The following SPAG5 variants were observed in gnomAD, a reference collection of about 807,000 sequenced individuals.
The protein encoded by SPAG5 is sperm associated antigen 5.
Under a neutral mutation model 145.4 loss-of-function variants are expected in SPAG5, and 99 were observed. That is an observed-to-expected ratio of 0.68 (90% CI 0.58 to 0.80). SPAG5 has a LOEUF of 0.80. SPAG5 is among the 30% of genes least tolerant of loss of function. The pLI is 0.00. For missense variants in SPAG5, 1,192 were observed against 1,416.0 expected, an observed-to-expected ratio of 0.84 and a Z score of 2.54; for synonymous variants, 477 against 525.4, an observed-to-expected ratio of 0.91 and a Z score of 1.26.
At chr17:28,579,117 C>T (rs1442200340) in intron 19 of SPAG5, 24 bp downstream of exon 19, 1 of 1,587,638 alleles carries the variant, frequency 6.3e-7, no homozygotes, top group Non-Finnish European at 8.6e-7. Context: ...TCTTCATCGC[C>T]CCACTTCTAG....
chr17:28,579,559 A>G, intron 17 of SPAG5, 74 bp from the exon 18 acceptor site: 1 of 1,534,956 alleles, frequency 6.5e-7, no homozygotes, highest in Non-Finnish European at 8.9e-7. Context: ...CATCATTTCC[A>G]CAACTCTTAT....
In SPAG5 at chr17:28,579,160, G is replaced by A. The variant is rs773444483; in HGVS notation, c.3098C>T (p.Ala1033Val). The A allele has an allele frequency of 7.4e-6, 12 of 1,613,610 alleles. No homozygotes were observed. The highest frequency in any genetic ancestry group is 1.0e-5 in the Non-Finnish European group (12 of 1,179,960). Residue 1033 changes from alanine (A) to valine (V), a missense_variant, in exon 19 of 24, where the codon GCC becomes GTC. Ala to Val is a moderately conservative substitution (Grantham distance 64, BLOSUM62 0). Coordinates refer to ENST00000321765, the MANE Select transcript of SPAG5 (RefSeq NM_006461.4). ...KEADIEKLNQ[A>V]LCLRYKNEKE... ...CTTCACCTTGTAGCGCAAGCACAAG[G>A]CCTGGTTCAGCTTCTCTATGTCTGC...
intron 15 of SPAG5, among the ~76,000 whole-genome samples, chr17:28,581,355 G>A (rs975650890): frequency 8.6e-5 from 13 of 151,998 alleles, no homozygotes; most frequent in African/African-American, 2.7e-4. Context: ...CAGGCAAGGC[G>A]GGAGCCACTC....
chr17:28,592,360 G>A lies in SPAG5; in HGVS notation c.884C>T (p.Ala295Val). The A allele has an allele frequency of 6.2e-7, 1 of 1,614,130 alleles. No individual in the cohort carries two copies. The highest frequency in any genetic ancestry group is 1.1e-5 in the South Asian group (1 of 91,088). ...AATATCTTCCACACTTGAGACAAGT[G>A]CTTGATCTTCTGTTTCAGACTCCTT... is the stretch of plus-strand genomic sequence containing the variant. ...HPKESETEDQALVSSVEDILS... is the reference protein window; with the variant it reads ...HPKESETEDQVLVSSVEDILS... Residue 295 changes from alanine to valine, a missense_variant, in exon 3 of 24, where the codon GCA (alanine) becomes GTA (valine). Transcript: ENST00000321765.
At chr17:28,594,108 T>C (rs970271919) in intron 2 of SPAG5, among the ~76,000 whole-genome samples, 1 of 152,054 alleles carries the variant, frequency 6.6e-6, no homozygotes, top group African/African-American at 2.4e-5. Flanking sequence ...CATGAGGCGC[T>C]GATTAACAAA....
chr17:28,584,489 A>G lies in SPAG5; in HGVS notation c.2162-9T>C. The G allele has an allele frequency of 6.2e-7, 1 of 1,613,510 alleles. No homozygotes were observed. The highest frequency in any genetic ancestry group is 8.5e-7 in the Non-Finnish European group (1 of 1,180,022). On this transcript the variant is annotated splice_polypyrimidine_tract_variant and intron_variant, in intron 11 of 23. Coordinates refer to ENST00000321765, the MANE Select transcript of SPAG5 (RefSeq NM_006461.4). Reference sequence around the variant, plus strand: ...CAACTGAGCCCGGAGATCTAGAACAAAAGTATCCTAATGACACCATGCGGT... The same window carrying G: ...CAACTGAGCCCGGAGATCTAGAACAGAAGTATCCTAATGACACCATGCGGT...
intron 4 of SPAG5, among the ~76,000 whole-genome samples, chr17:28,587,032 C>G (rs1161902166): frequency 6.6e-6 from 1 of 152,154 alleles, no homozygotes; most frequent in Non-Finnish European, 1.5e-5. Context: ...TCCTGCCACA[C>G]CCAGCCACCT....
Position 28,578,714 on chromosome 17 carries a change from A to G in SPAG5, c.3156T>C (p.Asn1052=), listed in dbSNP as rs1597593145. 6.2e-7 allele frequency: 1 copy of G among 1,614,036 alleles called. No individual in the cohort carries two copies. The highest frequency in any genetic ancestry group is 1.1e-5 in the South Asian group (1 of 91,082). The change falls in exon 20 of 24, where the codon AAT becomes AAC. Residue 1052 remains asparagine (N), a synonymous_variant. Transcript: ENST00000321765. ...KELQEVIQQQ[N]EKILEQIDKS... ...TGTCTATCTGTTCTAGGATCTTCTC[A>G]TTCTGCTGCTGTATCACTTCCTGGA...
In SPAG5 at chr17:28,583,882, C is replaced by T; in HGVS notation, c.2517G>A (p.Glu839=). 2 of 1,614,212 alleles carry T rather than the reference C, an allele frequency of 1.2e-6. No homozygotes were observed. Among genetic ancestry groups the T allele is most frequent in the South Asian group, 2.2e-5 (2 of 91,086 alleles). The part of the protein sequence containing the change: ...EVLRERSLQC[E]NLKDTVENLT... ...GGTTCTCTACAGTGTCCTTGAGGTT[C>T]TCACACTGCAAGCTGCGCTCCCGGA... is the stretch of plus-strand genomic sequence containing the variant. The change falls in exon 14 of 24, where the codon GAG becomes GAA. Residue 839 remains glutamate, a synonymous_variant. Coordinates refer to ENST00000321765, the MANE Select transcript of SPAG5 (RefSeq NM_006461.4).
At chr17:28,595,236 C>G (rs947891920) in intron 2 of SPAG5, among the ~76,000 whole-genome samples, 1 of 130,720 alleles carries the variant, frequency 7.6e-6, no homozygotes, top group Non-Finnish European at 1.6e-5. Flanking sequence ...CCAATCTGGG[C>G]GATACAACAA....
rs546895162 is a variant in SPAG5 at position 28,592,850 on chromosome 17, G to A, written c.394C>T (p.Leu132Phe). ...LGNYMVKTIV[L>F]VPSPLGQQQD... ...TGCTGCCCCAGTGGAGATGGTACAA[G>A]GACGATGGTTTTAACCATATAATTG... is the stretch of plus-strand genomic sequence containing the variant. The change falls in exon 3 of 24, where the codon CTT (leucine) becomes TTT (phenylalanine). Residue 132 changes from leucine (L) to phenylalanine (F), a missense_variant. This residue lies in a region of SPAG5 where 329 missense variants were observed against 354.0 expected (regional missense o/e 0.93). Transcript: ENST00000321765. 11 of 1,614,172 alleles carry A rather than the reference G, an allele frequency of 6.8e-6. No homozygotes were observed. In the Admixed American group the frequency reaches 1.2e-4, roughly 17 times the overall value.
At position 28,577,726 on chromosome 17, in the gene SPAG5, T is replaced by C; in HGVS notation, c.3555A>G (p.Leu1185=). The C allele has an allele frequency of 6.2e-7, 1 of 1,614,010 alleles. No individual in the cohort carries two copies. The part of the protein sequence containing the change: ...IPEVVRGCKE[L]QGLLEFLS ...AGCTCAGAAATTCCAGCAATCCCTG[T>C]AGTTCTTTGCATCCCCTCACCACCT... The change falls in exon 24 of 24, where the codon CTA becomes CTG. Residue 1185 remains leucine (L), a synonymous_variant. Transcript: ENST00000321765.
chr17:28,584,932 G>A (rs2070573880), intron 10 of SPAG5, among the ~76,000 whole-genome samples, 170 bp downstream of exon 10: 1 of 152,248 alleles, frequency 6.6e-6, no homozygotes, highest in Admixed American at 6.5e-5. Context: ...TAAAGATGCT[G>A]AAGGGCAAAG....
Position 28,586,493 on chromosome 17 carries a change from T to G in SPAG5, c.1444A>C (p.Asn482His). 1 of 1,612,894 alleles carries G rather than the reference T, an allele frequency of 6.2e-7. No homozygotes were observed. Among genetic ancestry groups the G allele is most frequent in the Admixed American group, 1.7e-5 (1 of 60,028 alleles). Residue 482 changes from asparagine (N) to histidine (H), a missense_variant, in exon 5 of 24, where the codon AAT becomes CAT. By Grantham distance (68) the Asn-to-His change is moderately conservative. Transcript: ENST00000321765. ...CTCTCCTTAAGATGCTGAAGTTTAT[T>G]AGTTATCTAGCCAGAAAAACAGAGT... ...QTDTSHSGIT[N>H]KLQHLKESHE...
rs993700885 is a variant in SPAG5 at position 28,592,930 on chromosome 17, A to G, written c.314T>C (p.Ile105Thr). Residue 105 changes from isoleucine to threonine, a missense_variant, in exon 3 of 24, where the codon ATT becomes ACT. By Grantham distance (89) the Ile-to-Thr change is moderately conservative. Transcript: ENST00000321765. ...TTTAGGAGTAGAGCTAATTTGGGGA[A>G]TTGGATCTAGAGGCTGCTCATCTGA... ...HESDEQPLDP[I>T]PQISSTPKTS... 1 of 1,614,212 alleles carries G rather than the reference A, an allele frequency of 6.2e-7. No individual in the cohort carries two copies. The highest frequency in any genetic ancestry group is 2.2e-5 in the East Asian group (1 of 44,884).
At position 28,592,485 on chromosome 17, in the gene SPAG5, G is replaced by A; in HGVS notation, c.759C>T (p.Ala253=). 1 of 1,613,922 alleles carries A rather than the reference G, an allele frequency of 6.2e-7. No homozygotes were observed. The highest frequency in any genetic ancestry group is 8.5e-7 in the Non-Finnish European group (1 of 1,180,046). ...GATTGACACGGAAATCTGCTGCCAA[G>A]GCAGTTGAAGGGGAAAGCCAGAGAA... ...SSVLWLSPST[A]LAADFRVNHV... The change falls in exon 3 of 24, where the codon GCC becomes GCT. Residue 253 remains alanine, a synonymous_variant. Transcript: ENST00000321765.
intron 2 of SPAG5, 73 bp from the exon 3 acceptor site, chr17:28,593,139 T>C (rs924406236): frequency 6.7e-5 from 102 of 1,522,842 alleles, no homozygotes; most frequent in Middle Eastern, 1.8e-4. Flanking sequence ...AGGTGCAAGA[T>C]AGTGCACTCA....
Position 28,592,009 on chromosome 17 carries a change from G to A in SPAG5, c.1235C>T (p.Thr412Ile), listed in dbSNP as rs1158590914. 1 of 1,614,166 alleles carries A rather than the reference G, an allele frequency of 6.2e-7. No homozygotes were observed. The highest frequency in any genetic ancestry group is 8.5e-7 in the Non-Finnish European group (1 of 1,180,018). The change falls in exon 3 of 24, where the codon ACT becomes ATT. Residue 412 changes from threonine (T) to isoleucine (I), a missense_variant. By Grantham distance (89) the Thr-to-Ile change is moderately conservative (BLOSUM62 -1). This residue lies in a region of SPAG5 where 125 missense variants were observed against 143.8 expected (regional missense o/e 0.87). Transcript: ENST00000321765. ...QTGLVGTKHS[T>I]SETEQLLCGR... Reference sequence around the variant, plus strand: ...ACACAGGAGCTGCTCTGTCTCAGAAGTACTGTGCTTGGTGCCAACCAGGCC... The same window carrying A: ...ACACAGGAGCTGCTCTGTCTCAGAAATACTGTGCTTGGTGCCAACCAGGCC...
In SPAG5 at chr17:28,586,258, C is replaced by T. The variant is rs1317593660; in HGVS notation, c.1513-76G>A. The T allele has an allele frequency of 3.7e-6, 5 of 1,336,200 alleles. No individual in the cohort carries two copies. The African/African-American group carries it at 4.4e-5, about 12-fold the overall frequency. The allele number at this position is 1,336,200 out of a possible 1,614,324, so 82.8% of individuals were successfully genotyped here. A position where few individuals can be genotyped will look rare whatever the true frequency, so the allele number is the denominator to read the frequency against. On this transcript the variant is annotated intron_variant, in intron 5 of 23. Transcript: ENST00000321765. ...AAACAGGGGCACTGGGGAGGAAAAC[C>T]GCTAACCCCAATTCCAAGCTCCGCA...
Sources: allele counts gnomAD v4.1 joint callset (sites outside exome capture counted in the v4.1 genomes callset), GRCh38; gene constraint gnomAD v4.1.1; regional missense constraint gnomAD v4.1.1; transcripts MANE v1.5; gene names NCBI Gene and HGNC (gene_info 2026-07-23, HGNC 2026-07-21).